The following PDZD2 variants were observed in gnomAD, a reference collection of about 807,000 sequenced individuals.
PDZD2 encodes PDZ domain containing 2, also known as PDZ domain-containing protein 2.
Under a neutral mutation model 220.7 loss-of-function variants are expected in PDZD2, and 90 were observed. The observed-to-expected ratio is 0.41, with a 90% CI of 0.34 to 0.49. PDZD2 has a LOEUF of 0.49. Ranked by LOEUF, PDZD2 falls within the 20% of genes least tolerant of loss-of-function variation. PDZD2 has a pLI of 0.28. For missense variants in PDZD2, 3,174 were observed against 3,608.5 expected, an observed-to-expected ratio of 0.88 and a Z score of 3.08; for synonymous variants, 1,375 against 1,450.5, an observed-to-expected ratio of 0.95 and a Z score of 1.18.
intron 1 of PDZD2, among the ~76,000 whole-genome samples, chr5:31,749,074 C>T (rs1326152680): frequency 7.0e-6 from 1 of 142,734 alleles, no homozygotes; most frequent in Non-Finnish European, 1.5e-5. Context: ...ACTTCATTAA[C>T]TCTCTATTTC....
chr5:31,796,841 C>T (rs1754055259), intron 1 of PDZD2, among the ~76,000 whole-genome samples: 1 of 152,118 alleles, frequency 6.6e-6, no homozygotes, highest in African/African-American at 2.4e-5. Context: ...TTTCCTACTA[C>T]TCTTCAGTTT....
chr5:31,827,517 AC>A (rs1756298711), intron 2 of PDZD2, among the ~76,000 whole-genome samples: 4 of 151,824 alleles, frequency 2.6e-5, no homozygotes, highest in African/African-American at 9.7e-5. Flanking sequence ...ACATGGTAAC[AC>A]CCCGTCTCTA....
chr5:31,785,138 C>A (rs1271695191), intron 1 of PDZD2, among the ~76,000 whole-genome samples: 1 of 152,070 alleles, frequency 6.6e-6, no homozygotes, highest in Non-Finnish European at 1.5e-5. Context: ...ATGCAAACAT[C>A]CTGCCCACTT....
At chr5:31,792,827 A>G (rs1303605599) in intron 1 of PDZD2, among the ~76,000 whole-genome samples, 1 of 151,552 alleles carries the variant, frequency 6.6e-6, no homozygotes, top group Non-Finnish European at 1.5e-5. Flanking sequence ...TGCTTATTTA[A>G]TTTAATTTTA....
At position 31,978,361 on chromosome 5, in the gene PDZD2, A is replaced by G. The variant is rs544649865; in HGVS notation, c.477-4794A>G. Reference sequence around the variant, plus strand: ...ATAGTCAGAAGGGGTTGGAAAAGTTACATAAATCATTTAAATACACATGGA... The same window carrying G: ...ATAGTCAGAAGGGGTTGGAAAAGTTGCATAAATCATTTAAATACACATGGA... On this transcript the variant is annotated intron_variant, in intron 2 of 24. Coordinates refer to ENST00000438447, the MANE Select transcript of PDZD2 (RefSeq NM_178140.4). 2.0e-5 allele frequency among the ~76,000 whole-genome samples: 3 copies of G among 152,352 alleles called. No homozygotes were observed. The South Asian group carries it at 6.2e-4, about 32-fold the overall frequency.
chr5:31,838,728 TA>T (rs1255002600), intron 2 of PDZD2, among the ~76,000 whole-genome samples: 2 of 152,156 alleles, frequency 1.3e-5, no homozygotes, highest in African/African-American at 2.4e-5. Context: ...AATGTAACTC[TA>T]AAACCTCCCT....
chr5:31,711,822 A>G (rs893101280), intron 1 of PDZD2, among the ~76,000 whole-genome samples: 6 of 152,216 alleles, frequency 3.9e-5, no homozygotes, highest in African/African-American at 9.6e-5. Context: ...GTCTTTGTAA[A>G]TCTGAACCAG....
At chr5:31,724,045 A>G (rs1179954284) in intron 1 of PDZD2, among the ~76,000 whole-genome samples, 1 of 152,190 alleles carries the variant, frequency 6.6e-6, no homozygotes, top group Non-Finnish European at 1.5e-5. Context: ...TCTTTTACAC[A>G]GTGCACACAC....
chr5:32,026,942 G>A (rs765657176), intron 6 of PDZD2, among the ~76,000 whole-genome samples: 14 of 151,898 alleles, frequency 9.2e-5, no homozygotes, highest in Non-Finnish European at 1.6e-4. Context: ...TCGCTCTGTC[G>A]CCCAGGCTGG....
intron 2 of PDZD2, among the ~76,000 whole-genome samples, chr5:31,812,138 G>A (rs971402766): frequency 2.6e-5 from 4 of 152,096 alleles, no homozygotes; most frequent in Non-Finnish European, 5.9e-5. Flanking sequence ...ATCCACTCCT[G>A]TGAAGTCCTC....
intron 2 of PDZD2, among the ~76,000 whole-genome samples, chr5:31,811,936 G>A (rs998362696): frequency 1.3e-5 from 2 of 151,984 alleles, no homozygotes. Flanking sequence ...GTTGCAGTGA[G>A]CTGAGATCGT....
At chr5:31,764,388 A>G (rs1285962168) in intron 1 of PDZD2, among the ~76,000 whole-genome samples, 2 of 152,144 alleles carry the variant, frequency 1.3e-5, no homozygotes, top group African/African-American at 4.8e-5. Context: ...ATAAACCCTT[A>G]GAGGATTTGC....
At chr5:31,678,132 G>A (rs6450853) in intron 1 of PDZD2, among the ~76,000 whole-genome samples, 78,479 of 152,128 alleles carry the variant, frequency 0.52, 23,046 homozygotes, top group East Asian at 0.69. Context: ...CAGATGGTCA[G>A]CGAGCATTTC....
chr5:31,933,949 G>A (rs992669083), intron 2 of PDZD2, among the ~76,000 whole-genome samples: 3 of 152,164 alleles, frequency 2.0e-5, no homozygotes, highest in Non-Finnish European at 2.9e-5. Flanking sequence ...GCTGAATTCT[G>A]GTGTATGCTA....
At position 31,639,864 on chromosome 5, in the gene PDZD2, C is replaced by T. The variant is rs1744878723; in HGVS notation, c.-361+427C>T. Among the ~76,000 whole-genome samples the T allele has an allele frequency of 6.6e-6, 1 of 152,190 alleles. No homozygotes were observed. The highest frequency in any genetic ancestry group is 2.1e-4 in the South Asian group (1 of 4,838). ...CGGCCTCAGGTAATGTCTTGGGGAC[C>T]ATCCTCCCTCGGGCTTGTTTCATCT... On this transcript the variant is annotated intron_variant, in intron 1 of 24. Coordinates refer to ENST00000438447, the MANE Select transcript of PDZD2 (RefSeq NM_178140.4). The surrounding 1 kb of genome is among the most constrained non-coding windows in gnomAD (Gnocchi z 4.1).
chr5:31,641,134 C>T (rs954693269), intron 1 of PDZD2, among the ~76,000 whole-genome samples: 2 of 152,082 alleles, frequency 1.3e-5, no homozygotes, highest in Non-Finnish European at 2.9e-5. Context: ...GAGGAGGCTT[C>T]GAGGTTCCAG....
intron 2 of PDZD2, among the ~76,000 whole-genome samples, chr5:31,916,935 CTG>C (rs1390308435): frequency 1.3e-5 from 2 of 152,166 alleles, no homozygotes; most frequent in African/African-American, 4.8e-5. Flanking sequence ...TTGTGTGAAA[CTG>C]TTTATAAACT....
chr5:31,979,473 G>A (rs750753343), intron 2 of PDZD2, among the ~76,000 whole-genome samples: 14 of 151,906 alleles, frequency 9.2e-5, no homozygotes, highest in Admixed American at 1.3e-4. Context: ...CTAGCTACTC[G>A]GGAGGGTGAG....
intron 2 of PDZD2, among the ~76,000 whole-genome samples, chr5:31,805,225 A>G (rs1393477982): frequency 6.6e-6 from 1 of 152,192 alleles, no homozygotes; most frequent in Admixed American, 6.5e-5. Context: ...AGGAAGCCCA[A>G]TTGTAATATA....
Sources: allele counts gnomAD v4.1 joint callset (sites outside exome capture counted in the v4.1 genomes callset), GRCh38; gene constraint gnomAD v4.1.1; non-coding constraint Gnocchi (gnomAD v3.1); transcripts MANE v1.5; gene names NCBI Gene and HGNC (gene_info 2026-07-23, HGNC 2026-07-21).